Variants in ROCK2 observed in about 807,000 individuals in gnomAD.
ROCK2 encodes the protein rho-associated protein kinase 2.
A neutral mutation model predicts 195.1 loss-of-function variants in ROCK2; 61 were observed. The ratio of observed to expected loss-of-function variants is 0.31; its 90% CI spans 0.25 to 0.39. The LOEUF is 0.39. Among genes scored for constraint, ROCK2 ranks in the 10% least tolerant of loss-of-function variants. ROCK2 has a pLI of 1.00. For synonymous variants in ROCK2, 504 were observed against 545.5 expected, an observed-to-expected ratio of 0.92 and a Z score of 1.06; for missense variants, 1,109 against 1,637.4, an observed-to-expected ratio of 0.68 and a Z score of 5.57.
chr2:11,237,859 C>T (rs1665267925), intron 4 of ROCK2, among the ~76,000 whole-genome samples: 1 of 152,190 alleles, frequency 6.6e-6, no homozygotes, highest in African/African-American at 2.4e-5. Flanking sequence ...AGGCAGATCA[C>T]CTGAGGTCAG....
intron 7 of ROCK2, among the ~76,000 whole-genome samples, chr2:11,223,201 C>T (rs778734447): frequency 5.9e-5 from 9 of 151,994 alleles, no homozygotes; most frequent in Non-Finnish European, 1.3e-4. Context: ...ACCAACTGCT[C>T]GTCAACCATG....
chr2:11,218,813 A>G, intron 10 of ROCK2, 153 bp downstream of exon 10: 1 of 507,532 alleles, frequency 2.0e-6, no homozygotes, highest in Non-Finnish European at 3.6e-6. Context: ...ACATAAATCA[A>G]TCATTGCAAT....
chr2:11,189,653 A>T (rs1186391391), intron 32 of ROCK2, among the ~76,000 whole-genome samples: 4 of 152,110 alleles, frequency 2.6e-5, no homozygotes, highest in Non-Finnish European at 5.9e-5. Context: ...TATACCATTC[A>T]ATTTGTATAA....
chr2:11,339,537 A>G (rs972992695), intron 1 of ROCK2, among the ~76,000 whole-genome samples: 7 of 64,208 alleles, frequency 1.1e-4, no homozygotes, highest in Middle Eastern at 8.6e-3. Flanking sequence ...ACAGAAAAAA[A>G]AAAACAAAAA....
chr2:11,344,738 C>T (rs543096124), upstream of ROCK2, among the ~76,000 whole-genome samples: 1 of 148,978 alleles, frequency 6.7e-6, no homozygotes, highest in Non-Finnish European at 1.5e-5. This position sits in a 1 kb window ranked among gnomAD's most constrained non-coding sequence, Gnocchi z 5.4. Context: ...GCCCCGCGCA[C>T]CGCGCTTCCT....
chr2:11,256,657 T>G (rs1666046515), intron 3 of ROCK2, among the ~76,000 whole-genome samples: 1 of 151,106 alleles, frequency 6.6e-6, no homozygotes, highest in South Asian at 2.1e-4. Flanking sequence ...GAGAAAGATC[T>G]ACCATGCAAA....
intron 27 of ROCK2, 92 bp from the exon 28 acceptor site, chr2:11,195,117 CAAAT>C (rs1357107742): frequency 3.1e-5 from 19 of 622,774 alleles, no homozygotes; most frequent in Non-Finnish European, 4.0e-5. Flanking sequence ...ATTTATAAAA[CAAAT>C]AAAATATATC....
At chr2:11,339,733 A>G (rs758206915) in intron 1 of ROCK2, among the ~76,000 whole-genome samples, 3 of 152,200 alleles carry the variant, frequency 2.0e-5, no homozygotes, top group Non-Finnish European at 4.4e-5. Context: ...AAAACAAGTA[A>G]AACTAAACAA....
At chr2:11,315,888 G>T (rs541204743) in intron 1 of ROCK2, among the ~76,000 whole-genome samples, 68 of 152,202 alleles carry the variant, frequency 4.5e-4, no homozygotes, top group African/African-American at 1.6e-3. Context: ...ACAGAACACT[G>T]CAAACGTTCT....
rs186009900 is a variant in ROCK2, at chr2:11,214,940, G to C, written c.1836C>G (p.Ala612=). 6.2e-7 allele frequency: 1 copy of C among 1,613,934 alleles called. No individual in the cohort carries two copies. Among genetic ancestry groups the C allele is most frequent in the Non-Finnish European group, 8.5e-7 (1 of 1,179,986 alleles). The part of the protein sequence containing the change: ...LQDKNCLLET[A]KLKLEKEFIN... ...TAAATTCCTTTTCAAGTTTTAACTT[G>C]GCAGTCTCCAGCAGGCAGTTTTTAT... Residue 612 remains alanine (A), a synonymous_variant, in exon 16 of 33, where the codon GCC becomes GCG. Coordinates refer to ENST00000315872, the MANE Select transcript of ROCK2 (RefSeq NM_004850.5).
At chr2:11,296,172 A>G (rs1667532926) in intron 1 of ROCK2, among the ~76,000 whole-genome samples, 1 of 152,268 alleles carries the variant, frequency 6.6e-6, no homozygotes, top group South Asian at 2.1e-4. Context: ...AATGCTGGAG[A>G]TGACAATGGC....
chr2:11,320,117 G>A (rs949835323), intron 1 of ROCK2, among the ~76,000 whole-genome samples: 4 of 151,992 alleles, frequency 2.6e-5, no homozygotes, highest in African/African-American at 9.7e-5. Flanking sequence ...CTCCCTATAA[G>A]GACTCTTCCT....
intron 1 of ROCK2, among the ~76,000 whole-genome samples, chr2:11,306,603 G>T (rs1667866644): frequency 6.6e-6 from 1 of 152,116 alleles, no homozygotes; most frequent in Non-Finnish European, 1.5e-5. Context: ...AAACACAAGG[G>T]ATTTAAGAAT....
In ROCK2 at chr2:11,197,398, C is replaced by A; in HGVS notation, c.3280-50G>T. 3 of 1,562,896 alleles carry A rather than the reference C, an allele frequency of 1.9e-6. No homozygotes were observed. The highest frequency in any genetic ancestry group is 2.6e-6 in the Non-Finnish European group (3 of 1,143,682). On this transcript the variant is annotated intron_variant, in intron 26 of 32. Coordinates refer to ENST00000315872, the MANE Select transcript of ROCK2 (RefSeq NM_004850.5). This position sits in a 1 kb window ranked among gnomAD's most constrained non-coding sequence, Gnocchi z 4.9. Reference sequence around the variant, plus strand: ...GTTAATTGGATGCAACATAACTCAACATTTTGCTTCTTGGTTCAATAATAA... The same window carrying A: ...GTTAATTGGATGCAACATAACTCAAAATTTTGCTTCTTGGTTCAATAATAA...
chr2:11,222,681 G>A (rs188251490), intron 7 of ROCK2, among the ~76,000 whole-genome samples: 5 of 152,092 alleles, frequency 3.3e-5, no homozygotes, highest in Admixed American at 6.5e-5. Flanking sequence ...TTATCATTCT[G>A]CATATATGAA....
chr2:11,248,135 G>A (rs1412615657), intron 4 of ROCK2, among the ~76,000 whole-genome samples: 2 of 150,014 alleles, frequency 1.3e-5, no homozygotes, highest in African/African-American at 4.9e-5. Context: ...GTGGGGGAGG[G>A]AGCAGGAATG....
chr2:11,344,552 C>T lies in ROCK2; in HGVS notation c.-416G>A. ...AGGCCTGGGCCACTACGGCCGCCGC[C>T]GGCCCGCTGCCATGGTCGCCGCCGG... On this transcript the variant is annotated 5_prime_UTR_variant, in exon 1 of 33. Transcript: ENST00000315872. The surrounding 1 kb of genome is among the most constrained non-coding windows in gnomAD (Gnocchi z 5.4). 1.1e-6 allele frequency: 1 copy of T among 951,148 alleles called. No individual in the cohort carries two copies. Among genetic ancestry groups the T allele is most frequent in the Non-Finnish European group, 1.2e-6 (1 of 800,640 alleles). 58.9% of individuals were successfully genotyped at this position (951,148 alleles called of 1,614,324 possible).
chr2:11,227,163 G>T, intron 6 of ROCK2, 91 bp downstream of exon 6: 1 of 1,208,488 alleles, frequency 8.3e-7, no homozygotes, highest in Non-Finnish European at 1.2e-6. Context: ...CTACGACAAA[G>T]GCAATTAATT....
At chr2:11,337,229 A>G (rs2148275386) in intron 1 of ROCK2, among the ~76,000 whole-genome samples, 1 of 152,002 alleles carries the variant, frequency 6.6e-6, no homozygotes, top group South Asian at 2.1e-4. Flanking sequence ...TGGGCAACTC[A>G]GCAAGACTCT....
Sources: gnomAD v4.1 joint callset for allele counts (sites outside exome capture counted in the v4.1 genomes callset) on GRCh38, gnomAD v4.1.1 for gene constraint, Gnocchi (gnomAD v3.1) non-coding constraint, MANE v1.5 for transcripts, NCBI Gene and HGNC (gene_info 2026-07-23, HGNC 2026-07-21) for gene names.